Variants in SARDH observed in about 807,000 individuals in gnomAD.
SARDH encodes sarcosine dehydrogenase, mitochondrial.
Under a neutral mutation model 109.1 loss-of-function variants are expected in SARDH, and 95 were observed. The ratio of observed to expected loss-of-function variants is 0.87; its 90% CI spans 0.74 to 1.03. The LOEUF (loss-of-function observed/expected upper bound fraction) is 1.03. SARDH is among the 50% of genes least tolerant of loss of function. The pLI is 0.00. For synonymous variants in SARDH, 572 were observed against 534.8 expected (o/e 1.07, Z -0.96); for missense variants, 1,267 against 1,287.8 (o/e 0.98, Z 0.25).
intron 14 of SARDH, among the ~76,000 whole-genome samples, chr9:133,694,649 T>C (rs867037251): frequency 6.6e-6 from 1 of 152,238 alleles, no homozygotes; most frequent in Non-Finnish European, 1.5e-5. Flanking sequence ...GCCTTGGCAC[T>C]GGCCCCTCCC....
chr9:133,671,574 C>A lies in SARDH; in HGVS notation c.2287G>T (p.Ala763Ser), dbSNP rs764863613. The change falls in exon 18 of 21, where the codon GCA becomes TCA. Residue 763 changes from alanine to serine, a missense_variant. By Grantham distance (99) the Ala-to-Ser change is moderately conservative. Coordinates refer to ENST00000439388, the MANE Select transcript of SARDH (RefSeq NM_001134707.2). ...AGGGAGTCGATGGCGCGGTACCCTG[C>A]GTTGATGAGGCCGTGCTTGGCACCC... ...AAGAKHGLINAGYRAIDSLSI... is the reference protein window; with the variant it reads ...AAGAKHGLINSGYRAIDSLSI... 5 of 1,608,750 alleles carry A rather than the reference C, an allele frequency of 3.1e-6. No homozygotes were observed. Among genetic ancestry groups the A allele is most frequent in the Non-Finnish European group, 4.2e-6 (5 of 1,178,380 alleles).
At chr9:133,685,029 T>C (rs1438494158) in intron 17 of SARDH, among the ~76,000 whole-genome samples, 164 bp downstream of exon 17, 2 of 152,034 alleles carry the variant, frequency 1.3e-5, no homozygotes, top group Non-Finnish European at 1.5e-5. Context: ...CAACAGCCTG[T>C]AGGAGGGCCG....
In SARDH at chr9:133,702,997, C is replaced by T. The variant is rs1433146572; in HGVS notation, c.1587G>A (p.Gly529=). 4.3e-6 allele frequency: 7 copies of T among 1,613,320 alleles called. No homozygotes were observed. The highest frequency in any genetic ancestry group is 5.1e-6 in the Non-Finnish European group (6 of 1,179,982). The change falls in exon 13 of 21, where the codon GGG becomes GGA. Residue 529 remains glycine (G), a synonymous_variant. Transcript: ENST00000439388. Reference sequence around the variant, plus strand: ...AGGCGTAGTCCTCGTGCGCGCGGCTCCCGTAAGCCCCGTAGTAGTCGTACT... The same window carrying T: ...AGGCGTAGTCCTCGTGCGCGCGGCTTCCGTAAGCCCCGTAGTAGTCGTACT... ...VLEYDYYGAY[G]SRAHEDYAYR...
At chr9:133,727,336 G>C (rs1206974041) in intron 6 of SARDH, among the ~76,000 whole-genome samples, 1 of 152,224 alleles carries the variant, frequency 6.6e-6, no homozygotes, top group Middle Eastern at 3.2e-3. Flanking sequence ...GCCAGCTGGA[G>C]CCCCCAGGCC....
Position 133,729,875 on chromosome 9 carries a change from G to T in SARDH, c.815-10C>A. 1 of 1,610,968 alleles carries T rather than the reference G, an allele frequency of 6.2e-7. No homozygotes were observed. ...GCACTTGCCCACACTCCTGCGGGCA[G>T]AGCACAGACAGCTCAGCTCTGCTGA... On this transcript the variant is annotated splice_polypyrimidine_tract_variant and intron_variant, in intron 5 of 20. Coordinates refer to ENST00000439388, the MANE Select transcript of SARDH (RefSeq NM_001134707.2).
intron 6 of SARDH, among the ~76,000 whole-genome samples, chr9:133,721,684 A>G (rs1489959850): frequency 1.3e-5 from 2 of 152,216 alleles, no homozygotes; most frequent in Non-Finnish European, 2.9e-5. Flanking sequence ...TATTCAGAAA[A>G]TAGTATCAAT....
intron 1 of SARDH, among the ~76,000 whole-genome samples, chr9:133,735,988 C>T (rs62572818): frequency 8.6e-5 from 13 of 150,932 alleles, no homozygotes; most frequent in African/African-American, 1.7e-4. Context: ...TGCAGTAAGC[C>T]GAGATTGTGC....
intron 8 of SARDH, among the ~76,000 whole-genome samples, chr9:133,715,970 A>G (rs532195405): frequency 6.6e-6 from 1 of 152,218 alleles, no homozygotes; most frequent in Non-Finnish European, 1.5e-5. Context: ...CCAGCCCTGA[A>G]GCGGGGCCAG....
chr9:133,705,011 G>A lies in SARDH; in HGVS notation c.1491C>T (p.Cys497=), dbSNP rs1174212317. The A allele has an allele frequency of 1.3e-6, 2 of 1,592,072 alleles. No individual in the cohort carries two copies. The highest frequency in any genetic ancestry group is 2.3e-5 in the East Asian group (1 of 44,098). ...PLHEELLGQG[C]VFQERHGWER... is the part of the protein sequence containing the mutation. ...CCCAGCCATGCCGCTCCTGGAACAC[G>A]CAGCCTTGTCCAAGGAGTTCCTGAG... The change falls in exon 12 of 21, where the codon TGC becomes TGT. Residue 497 remains cysteine, a synonymous_variant. Transcript: ENST00000439388.
chr9:133,680,931 C>T (rs753005521), intron 17 of SARDH, among the ~76,000 whole-genome samples: 1 of 152,246 alleles, frequency 6.6e-6, no homozygotes, highest in Non-Finnish European at 1.5e-5. Flanking sequence ...AGCTCACCCC[C>T]AGTCTGTCCC....
chr9:133,671,803 G>T, intron 17 of SARDH, 106 bp from the exon 18 acceptor site: 1 of 1,368,522 alleles, frequency 7.3e-7, no homozygotes, highest in Non-Finnish European at 9.8e-7. Context: ...AGGATTATCA[G>T]CTGGCCCTGG....
In SARDH at chr9:133,704,212, C is replaced by T. The variant is rs544326482; in HGVS notation, c.1554+736G>A. On this transcript the variant is annotated intron_variant, in intron 12 of 20. Coordinates refer to ENST00000439388, the MANE Select transcript of SARDH (RefSeq NM_001134707.2). The surrounding 1 kb of genome is among the most constrained non-coding windows in gnomAD (Gnocchi z 4.5). ...CATCTCCCCTCCCGATGCCCTGGAG[C>T]TCTGGAGCCTGGCCTGGGCTGTGGG... 3.3e-4 allele frequency among the ~76,000 whole-genome samples: 51 copies of T among 152,282 alleles called. 2 individuals are homozygous for T. The South Asian group carries it at 0.01, about 30-fold the overall frequency.
Position 133,694,324 on chromosome 9 carries a change from T to A in SARDH, c.1855A>T (p.Ser619Cys), listed in dbSNP as rs1369760954. The change falls in exon 15 of 21, where the codon AGT becomes TGT. Residue 619 changes from serine (S) to cysteine (C), a missense_variant. Transcript: ENST00000439388. ...GCCAGGCGGCTGACAGTCAGGTCAC[T>A]CTCGGTGCCCCCACGGTGGTTGAGC... The part of the protein sequence containing the change: ...CMLNHRGGTE[S>C]DLTVSRLAPS... The A allele has an allele frequency of 6.4e-7, 1 of 1,550,398 alleles. No homozygotes were observed. Among genetic ancestry groups the A allele is most frequent in the African/African-American group, 1.4e-5 (1 of 72,974 alleles).
intron 15 of SARDH, among the ~76,000 whole-genome samples, chr9:133,691,465 T>A (rs1365591944): frequency 6.6e-6 from 1 of 152,046 alleles, no homozygotes; most frequent in African/African-American, 2.4e-5. Context: ...CAGAGAGCAG[T>A]GAGAAGGCAG....
chr9:133,693,261 G>A lies in SARDH; in HGVS notation c.1921+997C>T, dbSNP rs941916479. Among the ~76,000 whole-genome samples, 6 of 152,144 alleles carry A rather than the reference G, an allele frequency of 3.9e-5. No individual in the cohort carries two copies. The highest frequency in any genetic ancestry group is 1.4e-4 in the African/African-American group (6 of 41,430). On this transcript the variant is annotated intron_variant, in intron 15 of 20. Coordinates refer to ENST00000439388, the MANE Select transcript of SARDH (RefSeq NM_001134707.2). The surrounding 1 kb of genome is among the most constrained non-coding windows in gnomAD (Gnocchi z 5.6). Reference sequence around the variant, plus strand: ...TCAAACTGAGCCTGACACACAGTCGGTGCTCAATGACTGCTGCCGAAGGTG... The same window carrying A: ...TCAAACTGAGCCTGACACACAGTCGATGCTCAATGACTGCTGCCGAAGGTG...
At chr9:133,736,040 CAAAA>C (rs60023194) in intron 1 of SARDH, among the ~76,000 whole-genome samples, 1 of 116,854 alleles carries the variant, frequency 8.6e-6, no homozygotes. Context: ...AACTCCGTCT[CAAAA>C]AAAAAAAAAA....
In SARDH at chr9:133,667,887, C is replaced by G. The variant is rs1168897929; in HGVS notation, c.2496-1017G>C. On this transcript the variant is annotated intron_variant, in intron 19 of 20. Coordinates refer to ENST00000439388, the MANE Select transcript of SARDH (RefSeq NM_001134707.2). Reference sequence around the variant, plus strand: ...GCTGAGGCCCCAACTGCCCGGAGTCCCAGAGCAGTGTGGCAGGGCTGTTCT... The same window carrying G: ...GCTGAGGCCCCAACTGCCCGGAGTCGCAGAGCAGTGTGGCAGGGCTGTTCT... 3.3e-5 allele frequency among the ~76,000 whole-genome samples: 5 copies of G among 152,230 alleles called. No homozygotes were observed. In the South Asian group the frequency reaches 8.3e-4, roughly 25 times the overall value.
intron 7 of SARDH, 118 bp from the exon 8 acceptor site, chr9:133,717,573 G>T: frequency 7.0e-7 from 1 of 1,419,820 alleles, no homozygotes. Context: ...ATGCATTAGA[G>T]GGCTGGTGGT....
At chr9:133,734,832 C>T (rs769571052) in intron 1 of SARDH, among the ~76,000 whole-genome samples, 3 of 152,208 alleles carry the variant, frequency 2.0e-5, no homozygotes, top group African/African-American at 7.2e-5. Flanking sequence ...GGGGCCGTCC[C>T]GCCAGCCTTG....
Sources: gnomAD v4.1 joint callset for allele counts (sites outside exome capture counted in the v4.1 genomes callset) on GRCh38, gnomAD v4.1.1 for gene constraint, Gnocchi (gnomAD v3.1) non-coding constraint, MANE v1.5 for transcripts, NCBI Gene and HGNC (gene_info 2026-07-23, HGNC 2026-07-21) for gene names.